The following TMPRSS11D variants were observed in gnomAD, a reference collection of about 807,000 sequenced individuals.
TMPRSS11D encodes the protein transmembrane serine protease 11D.
A neutral mutation model predicts 44.4 loss-of-function variants in TMPRSS11D; 32 were observed. That is an observed-to-expected ratio of 0.72 (90% CI 0.54 to 0.97). The LOEUF (loss-of-function observed/expected upper bound fraction) is 0.97, where lower values mean the gene tolerates loss of function less well. Among genes scored for constraint, TMPRSS11D ranks in the 50% least tolerant of loss-of-function variants. The pLI is 0.00. For missense variants in TMPRSS11D, 446 were observed against 502.6 expected (o/e 0.89, Z 1.08); for synonymous variants, 179 against 177.9 (o/e 1.01, Z -0.05).
chr4:67,870,431 A>C (rs1196635352), intron 1 of TMPRSS11D, among the ~76,000 whole-genome samples: 1 of 152,082 alleles, frequency 6.6e-6, no homozygotes, highest in Non-Finnish European at 1.5e-5. Context: ...CTCTTACCTC[A>C]GGTTTTCACA....
At chr4:67,852,948 A>C (rs1718544121) in intron 3 of TMPRSS11D, among the ~76,000 whole-genome samples, 1 of 151,202 alleles carries the variant, frequency 6.6e-6, no homozygotes, top group Admixed American at 6.6e-5. Flanking sequence ...GCATGAGATC[A>C]ACACAGATAC....
At position 67,825,931 on chromosome 4, in the gene TMPRSS11D, C is replaced by G. The variant is rs1159854439; in HGVS notation, c.953-57G>C. 4.8e-6 allele frequency: 7 copies of G among 1,460,130 alleles called. No homozygotes were observed. The African/African-American group carries it at 9.9e-5, about 21-fold the overall frequency. 90.4% of individuals were successfully genotyped at this position (1,460,130 alleles called of 1,614,324 possible). A position where few individuals can be genotyped will look rare whatever the true frequency, so the allele number is the denominator to read the frequency against. ...CTTCAAGATGTGTACATTATTGACC[C>G]TATAATAAATTTGAGAAGAAATAAA... On this transcript the variant is annotated intron_variant, in intron 8 of 9. Transcript: ENST00000283916.
At position 67,838,394 on chromosome 4, in the gene TMPRSS11D, T is replaced by C. The variant is rs1226870816; in HGVS notation, c.318-65A>G. 3.6e-6 allele frequency: 5 copies of C among 1,398,616 alleles called. No homozygotes were observed. The South Asian group carries it at 4.8e-5, about 13-fold the overall frequency. 86.6% of individuals were successfully genotyped at this position (1,398,616 alleles called of 1,614,324 possible). ...ACAATTTTTCACCATCCTGTTTATA[T>C]ATTCTTCTTGATTAAACCCTTTTAA... On this transcript the variant is annotated intron_variant, in intron 4 of 9. Coordinates refer to ENST00000283916, the MANE Select transcript of TMPRSS11D (RefSeq NM_004262.3).
chr4:67,878,649 G>A (rs1372527306), intron 1 of TMPRSS11D, among the ~76,000 whole-genome samples: 1 of 152,178 alleles, frequency 6.6e-6, no homozygotes, highest in Non-Finnish European at 1.5e-5. Flanking sequence ...TAATTGGCCA[G>A]GCACAGTGGC....
intron 5 of TMPRSS11D, among the ~76,000 whole-genome samples, chr4:67,837,140 C>T (rs1286411880): frequency 6.6e-6 from 1 of 152,058 alleles, no homozygotes; most frequent in East Asian, 1.9e-4. Flanking sequence ...ATTCTGTGAC[C>T]ATCGTATCAC....
chr4:67,853,107 T>A (rs747429823), intron 3 of TMPRSS11D, among the ~76,000 whole-genome samples: 4 of 152,060 alleles, frequency 2.6e-5, no homozygotes, highest in African/African-American at 9.7e-5. Flanking sequence ...AGCATAGACA[T>A]GAGAAGGTGC....
intron 3 of TMPRSS11D, among the ~76,000 whole-genome samples, chr4:67,850,466 G>A (rs892641517): frequency 1.2e-4 from 18 of 149,538 alleles, no homozygotes; most frequent in Admixed American, 6.7e-5. Context: ...AAAGGGTCCC[G>A]AGTTAGGAAG....
Position 67,822,155 on chromosome 4 carries a change from G to T in TMPRSS11D, c.*182C>A. 1 of 670,514 alleles carries T rather than the reference G, an allele frequency of 1.5e-6. No individual in the cohort carries two copies. Among genetic ancestry groups the T allele is most frequent in the East Asian group, 2.6e-5 (1 of 37,760 alleles). The allele number at this position is 670,514 out of a possible 1,614,324, so 41.5% of individuals were successfully genotyped here. On this transcript the variant is annotated 3_prime_UTR_variant, in exon 10 of 10. Transcript: ENST00000283916. The stretch of plus-strand genomic sequence containing the variant: ...CTATGCAACATTCATATAGTTCTCT[G>T]GAGAAAATAGAAAACCTTTAATAAT...
rs538116627 is a variant in TMPRSS11D at position 67,879,485 on chromosome 4, A to AG, written c.8+4440_8+4441insC. ...AGACTCCTTCTCAAAAAAAAAAAAA[A>AG]AAAAGAAAAGCACTTAAACTCTGGG... On this transcript the variant is annotated intron_variant, in intron 1 of 9. Transcript: ENST00000283916. Among the ~76,000 whole-genome samples, 149 of 151,714 alleles carry AG rather than the reference A, an allele frequency of 9.8e-4. 1 individual carries two copies. Among genetic ancestry groups the AG allele is most frequent in the Non-Finnish European group, 1.9e-3 (127 of 67,924 alleles).
intron 1 of TMPRSS11D, among the ~76,000 whole-genome samples, chr4:67,871,798 A>C (rs530753018): frequency 5.1e-4 from 78 of 152,316 alleles, no homozygotes; most frequent in Non-Finnish European, 1.0e-3. Flanking sequence ...CACCATCTAC[A>C]AAGGTGAATC....
intron 2 of TMPRSS11D, among the ~76,000 whole-genome samples, chr4:67,858,101 C>T (rs779081629): frequency 1.3e-5 from 2 of 152,182 alleles, no homozygotes; most frequent in Non-Finnish European, 2.9e-5. Context: ...GTACACAACT[C>T]AGAAATACTA....
chr4:67,824,013 GTTAACA>G (rs1185333992), intron 9 of TMPRSS11D, among the ~76,000 whole-genome samples: 16 of 151,982 alleles, frequency 1.1e-4, no homozygotes, highest in Admixed American at 1.0e-3. Context: ...GTATTGTTGT[GTTAACA>G]CAACGTCGGG....
chr4:67,861,844 A>G (rs11131729), intron 1 of TMPRSS11D, among the ~76,000 whole-genome samples: 99,175 of 151,968 alleles, frequency 0.65, 33,489 homozygotes, highest in Non-Finnish European at 0.75. Flanking sequence ...TATAGAAACA[A>G]CTGAGGAAAT....
At chr4:67,866,035 A>G (rs1189208244) in intron 1 of TMPRSS11D, among the ~76,000 whole-genome samples, 1 of 151,880 alleles carries the variant, frequency 6.6e-6, no homozygotes, top group Non-Finnish European at 1.5e-5. Context: ...AGACAAGGGC[A>G]CACACACAAG....
At chr4:67,846,660 G>T (rs1489721067) in intron 3 of TMPRSS11D, among the ~76,000 whole-genome samples, 1 of 152,062 alleles carries the variant, frequency 6.6e-6, no homozygotes, top group African/African-American at 2.4e-5. Flanking sequence ...GGTTATTCTT[G>T]CAAACCAATT....
At chr4:67,878,036 A>C (rs541089815) in intron 1 of TMPRSS11D, among the ~76,000 whole-genome samples, 1 of 152,230 alleles carries the variant, frequency 6.6e-6, no homozygotes, top group African/African-American at 2.4e-5. Flanking sequence ...TAATTTATAA[A>C]GAAAAAAATT....
chr4:67,859,652 C>T lies in TMPRSS11D; in HGVS notation c.35G>A (p.Arg12Lys). ...ACATACTACATATGGATTCAGAAATCTTGAAGTCGAAGTTACACGTGCTGG... is the reference window on the plus strand; with the variant it reads ...ACATACTACATATGGATTCAGAAATTTTGAAGTCGAAGTTACACGTGCTGG... ...YRPARVTSTS[R>K]FLNPYVVCFI... Residue 12 changes from arginine (R) to lysine (K), a missense_variant, in exon 2 of 10, where the codon AGA becomes AAA. Coordinates refer to ENST00000283916, the MANE Select transcript of TMPRSS11D (RefSeq NM_004262.3). 1 of 1,613,082 alleles carries T rather than the reference C, an allele frequency of 6.2e-7. No individual in the cohort carries two copies. Among genetic ancestry groups the T allele is most frequent in the Non-Finnish European group, 8.5e-7 (1 of 1,179,288 alleles).
At chr4:67,877,650 T>G (rs373237113) in intron 1 of TMPRSS11D, among the ~76,000 whole-genome samples, 18 of 152,322 alleles carry the variant, frequency 1.2e-4, no homozygotes, top group African/African-American at 4.1e-4. Context: ...ATTTTCTTTC[T>G]CAGTAAATGA....
chr4:67,822,795 G>A (rs755159983), intron 9 of TMPRSS11D, among the ~76,000 whole-genome samples: 2 of 152,156 alleles, frequency 1.3e-5, no homozygotes, highest in Non-Finnish European at 2.9e-5. Context: ...AAACTTCTCT[G>A]ATCAACCTTT....
Sources: gnomAD v4.1 joint callset for allele counts (sites outside exome capture counted in the v4.1 genomes callset) on GRCh38, gnomAD v4.1.1 for gene constraint, MANE v1.5 for transcripts, NCBI Gene and HGNC (gene_info 2026-07-23, HGNC 2026-07-21) for gene names.